The following DCUN1D2 variants were observed in gnomAD, a reference collection of about 807,000 sequenced individuals.
The protein encoded by DCUN1D2 is defective in cullin neddylation 1 domain containing 2, also known as DCN1-like protein 2.
DCUN1D2 carries 29 observed loss-of-function variants against 30.9 expected under a neutral mutation model. That is an observed-to-expected ratio of 0.94 (90% confidence interval 0.70 to 1.28). The LOEUF (loss-of-function observed/expected upper bound fraction) is 1.28, where lower values mean the gene tolerates loss of function less well. DCUN1D2 is among the 50% of genes most tolerant of loss of function. The pLI is 0.00. For missense variants in DCUN1D2, 325 were observed against 316.9 expected, an observed-to-expected ratio of 1.03 and a Z score of -0.19; for synonymous variants, 121 against 115.3, an observed-to-expected ratio of 1.05 and a Z score of -0.32.
At chr13:113,474,464 A>C (rs936448688) in intron 3 of DCUN1D2, among the ~76,000 whole-genome samples, 1 of 152,196 alleles carries the variant, frequency 6.6e-6, no homozygotes, top group East Asian at 1.9e-4. Context: ...GGAATTCAAA[A>C]CGTTCTGAGA....
chr13:113,487,286 C>A (rs1424290118), intron 1 of DCUN1D2, among the ~76,000 whole-genome samples: 1 of 152,200 alleles, frequency 6.6e-6, no homozygotes. Flanking sequence ...AGCCATGACG[C>A]CCTTATTATG....
At chr13:113,483,615 C>T (rs2044747288) in intron 2 of DCUN1D2, among the ~76,000 whole-genome samples, 1 of 152,240 alleles carries the variant, frequency 6.6e-6, no homozygotes, top group Admixed American at 6.5e-5. Flanking sequence ...CCTGCCCCAT[C>T]GCTGACTCCA....
chr13:113,487,284 C>T (rs185080298), intron 1 of DCUN1D2, among the ~76,000 whole-genome samples: 134 of 152,294 alleles, frequency 8.8e-4, no homozygotes, highest in African/African-American at 3.0e-3. Context: ...ACAGCCATGA[C>T]GCCCTTATTA....
Position 113,490,405 on chromosome 13 carries a change from T to A in DCUN1D2, c.3+262A>T. 3.2e-6 allele frequency: 1 copy of A among 308,648 alleles called. No homozygotes were observed. 19.1% of individuals were successfully genotyped at this position (308,648 alleles called of 1,614,324 possible). ...GGCCCCTGCCCCAAGGCCCCTACAG[T>A]TCCTCCCGGCCCCCGCCCTCCGCTC... On this transcript the variant is annotated intron_variant, in intron 1 of 6. Coordinates refer to ENST00000478244, the MANE Select transcript of DCUN1D2 (RefSeq NM_001014283.2). This position sits in a 1 kb window ranked among gnomAD's most constrained non-coding sequence, Gnocchi z 5.2.
intron 4 of DCUN1D2, among the ~76,000 whole-genome samples, chr13:113,471,023 G>A (rs2044501644): frequency 6.8e-6 from 1 of 147,226 alleles, no homozygotes; most frequent in Non-Finnish European, 1.5e-5. Context: ...CTCCACAGAG[G>A]ACCCAACTCC....
Position 113,490,505 on chromosome 13 carries a change from C to G in DCUN1D2, c.3+162G>C. 1 of 775,402 alleles carries G rather than the reference C, an allele frequency of 1.3e-6. No individual in the cohort carries two copies. Among genetic ancestry groups the G allele is most frequent in the Non-Finnish European group, 1.7e-6 (1 of 573,654 alleles). The allele number at this position is 775,402 out of a possible 1,614,324, so 48.0% of individuals were successfully genotyped here. A position where few individuals can be genotyped will look rare whatever the true frequency, so the allele number is the denominator to read the frequency against. On this transcript the variant is annotated intron_variant, in intron 1 of 6. Coordinates refer to ENST00000478244, the MANE Select transcript of DCUN1D2 (RefSeq NM_001014283.2). This position sits in a 1 kb window ranked among gnomAD's most constrained non-coding sequence, Gnocchi z 5.2. The stretch of plus-strand genomic sequence containing the variant: ...TCCCGCGCCTCCGACGCCACCGCTC[C>G]GGCTCGCGGGCCCGCGGCGCGTTCC...
intron 1 of DCUN1D2, among the ~76,000 whole-genome samples, chr13:113,487,039 A>G (rs1398684982): frequency 6.6e-6 from 1 of 152,254 alleles, no homozygotes; most frequent in Non-Finnish European, 1.5e-5. Flanking sequence ...CCTGAAACTG[A>G]GCTTTTGAAA....
At chr13:113,473,133 C>T (rs1279256433) in intron 4 of DCUN1D2, among the ~76,000 whole-genome samples, 1 of 150,666 alleles carries the variant, frequency 6.6e-6, no homozygotes, top group Non-Finnish European at 1.5e-5. Context: ...CTCTCTATCC[C>T]TCTGTCTCCT....
intron 1 of DCUN1D2, among the ~76,000 whole-genome samples, chr13:113,487,395 T>C (rs889851087): frequency 2.0e-5 from 3 of 152,162 alleles, no homozygotes; most frequent in Admixed American, 1.3e-4. Context: ...TAAAAAGGAA[T>C]GAAGTATTGA....
At chr13:113,461,824 G>A (rs769799082) in intron 4 of DCUN1D2, among the ~76,000 whole-genome samples, 2 of 152,232 alleles carry the variant, frequency 1.3e-5, no homozygotes, top group Non-Finnish European at 1.5e-5. Flanking sequence ...GAATATGAAT[G>A]CCGAGTTTCA....
chr13:113,471,630 A>G (rs1183522611), intron 4 of DCUN1D2, among the ~76,000 whole-genome samples: 2 of 152,232 alleles, frequency 1.3e-5, no homozygotes, highest in African/African-American at 4.8e-5. Context: ...AGCAAAAGAA[A>G]AAATGGCCTT....
chr13:113,458,916 C>A (rs2044272315), intron 6 of DCUN1D2, among the ~76,000 whole-genome samples: 1 of 152,108 alleles, frequency 6.6e-6, no homozygotes, highest in Non-Finnish European at 1.5e-5. Flanking sequence ...CGGGGGGAGA[C>A]AAGTATGTGG....
At chr13:113,480,925 T>C (rs552952214) in intron 2 of DCUN1D2, among the ~76,000 whole-genome samples, 182 bp from the exon 3 acceptor site, 1 of 152,120 alleles carries the variant, frequency 6.6e-6, no homozygotes, top group South Asian at 2.1e-4. Flanking sequence ...ACTAATAATT[T>C]ATCCAGAAAA....
At chr13:113,459,287 T>A (rs1374378554) in intron 6 of DCUN1D2, 25 bp downstream of exon 6, 1 of 1,302,512 alleles carries the variant, frequency 7.7e-7, no homozygotes, top group East Asian at 2.3e-5. Context: ...TTTCGGTCAA[T>A]CATCTGAAGC....
intron 4 of DCUN1D2, 58 bp downstream of exon 4, chr13:113,474,066 C>T (rs1042521045): frequency 1.9e-5 from 30 of 1,576,046 alleles, no homozygotes; most frequent in Middle Eastern, 1.7e-4. Flanking sequence ...ATGTTGCTCA[C>T]GTCCACTGAA....
chr13:113,480,327 A>G (rs2044686033), intron 3 of DCUN1D2: 2 of 331,012 alleles, frequency 6.0e-6, no homozygotes, highest in Non-Finnish European at 1.1e-5. Context: ...AAACTCAAAA[A>G]GAAGAAAATG....
chr13:113,480,795 C>A, intron 2 of DCUN1D2, 52 bp from the exon 3 acceptor site: 1 of 1,589,180 alleles, frequency 6.3e-7, no homozygotes, highest in Non-Finnish European at 8.6e-7. Context: ...AAAAGTAATT[C>A]TAAAATAGGA....
At chr13:113,463,779 C>T (rs200236481) in intron 4 of DCUN1D2, among the ~76,000 whole-genome samples, 1 of 144,044 alleles carries the variant, frequency 6.9e-6, no homozygotes, top group African/African-American at 2.6e-5. Context: ...CACACACAGA[C>T]ACACACAGAG....
At chr13:113,472,167 C>G (rs1044609444) in intron 4 of DCUN1D2, among the ~76,000 whole-genome samples, 50 of 152,214 alleles carry the variant, frequency 3.3e-4, no homozygotes, top group African/African-American at 1.2e-3. Flanking sequence ...CTAACGCTAT[C>G]CTCACCTGTG....
Sources: gnomAD v4.1 joint callset for allele counts (sites outside exome capture counted in the v4.1 genomes callset) on GRCh38, gnomAD v4.1.1 for gene constraint, Gnocchi (gnomAD v3.1) non-coding constraint, MANE v1.5 for transcripts, NCBI Gene and HGNC (gene_info 2026-07-23, HGNC 2026-07-21) for gene names.